Variants in ATXN2 observed in about 807,000 individuals in gnomAD.
ATXN2 encodes the protein ataxin 2.
A neutral mutation model predicts 138.6 loss-of-function variants in ATXN2; 37 were observed. The observed-to-expected ratio is 0.27, with a 90% CI of 0.21 to 0.35. ATXN2 has a LOEUF of 0.35. Among genes scored for constraint, ATXN2 ranks in the 10% least tolerant of loss-of-function variants. The probability of loss-of-function intolerance (pLI) is 1.00; values close to 1 mark genes in which losing one functional copy is unlikely to be tolerated. For synonymous variants in ATXN2, 549 were observed against 543.7 expected (o/e 1.01, Z -0.13); for missense variants, 1,216 against 1,480.3 (o/e 0.82, Z 2.93).
chr12:111,478,261 C>T (rs1876967181), intron 18 of ATXN2, among the ~76,000 whole-genome samples: 1 of 152,066 alleles, frequency 6.6e-6, no homozygotes, highest in Non-Finnish European at 1.5e-5. Flanking sequence ...ACAAAATTAG[C>T]CAGGCATGGT....
intron 1 of ATXN2, among the ~76,000 whole-genome samples, chr12:111,584,259 G>A (rs1884187716): frequency 6.6e-6 from 1 of 150,948 alleles, no homozygotes; most frequent in African/African-American, 2.4e-5. Flanking sequence ...GCGTGCTCCT[G>A]TACTCCCAGC....
chr12:111,491,344 C>T (rs984182258), intron 14 of ATXN2, among the ~76,000 whole-genome samples: 1 of 152,096 alleles, frequency 6.6e-6, no homozygotes, highest in Admixed American at 6.6e-5. Context: ...GCAGTCTAGA[C>T]CAGAAGGACT....
chr12:111,581,661 G>A, intron 1 of ATXN2: 2 of 730,998 alleles, frequency 2.7e-6, no homozygotes, highest in Admixed American at 1.8e-5. Flanking sequence ...GACCTGATCA[G>A]GGCCCAGGCC....
At chr12:111,456,888 CAGG>C (rs1875144674) in intron 22 of ATXN2, among the ~76,000 whole-genome samples, 1 of 152,092 alleles carries the variant, frequency 6.6e-6, no homozygotes, top group African/African-American at 2.4e-5. Context: ...GCTGGGACTA[CAGG>C]CGCCCACCAC....
chr12:111,555,718 G>C (rs1882354421), intron 2 of ATXN2, among the ~76,000 whole-genome samples, 165 bp downstream of exon 2: 1 of 149,428 alleles, frequency 6.7e-6, no homozygotes, highest in Admixed American at 6.6e-5. Flanking sequence ...ATTTTATACA[G>C]AGTCATTAAA....
intron 14 of ATXN2, among the ~76,000 whole-genome samples, chr12:111,495,865 G>A (rs1592832098): frequency 1.3e-5 from 2 of 151,866 alleles, no homozygotes; most frequent in African/African-American, 2.4e-5. Flanking sequence ...AAGATTTGAC[G>A]TGGCACAGTG....
intron 6 of ATXN2, among the ~76,000 whole-genome samples, chr12:111,521,480 C>T (rs1320376694): frequency 6.6e-6 from 1 of 152,202 alleles, no homozygotes; most frequent in South Asian, 2.1e-4. Flanking sequence ...TCATATTCAA[C>T]GATTCCAAGG....
At chr12:111,514,759 A>G (rs1331149634) in intron 10 of ATXN2, among the ~76,000 whole-genome samples, 1 of 152,186 alleles carries the variant, frequency 6.6e-6, no homozygotes, top group East Asian at 1.9e-4. Flanking sequence ...AAGTGCTGAG[A>G]TTACAGGCGT....
At chr12:111,558,899 T>C (rs949376491) in intron 1 of ATXN2, among the ~76,000 whole-genome samples, 1 of 150,760 alleles carries the variant, frequency 6.6e-6, no homozygotes, top group African/African-American at 2.4e-5. Context: ...AGCTGGGTGA[T>C]AGGTGTGCAG....
chr12:111,559,752 G>A (rs368512903), intron 1 of ATXN2, among the ~76,000 whole-genome samples: 5 of 128,376 alleles, frequency 3.9e-5, no homozygotes, highest in East Asian at 4.4e-4. Flanking sequence ...CAGCCTGGGC[G>A]ACAGAGCAAG....
chr12:111,572,214 A>T (rs1883361267), intron 1 of ATXN2, among the ~76,000 whole-genome samples: 1 of 152,062 alleles, frequency 6.6e-6, no homozygotes, highest in Admixed American at 6.6e-5. Context: ...AGCCTGACCA[A>T]AATGGTGAAA....
intron 1 of ATXN2, among the ~76,000 whole-genome samples, chr12:111,578,528 G>A (rs1389414579): frequency 2.0e-5 from 3 of 152,156 alleles, no homozygotes; most frequent in African/African-American, 7.2e-5. Flanking sequence ...GTAATACTCT[G>A]TACGACAGCC....
At chr12:111,485,591 T>G in intron 17 of ATXN2, 122 bp downstream of exon 17, 2 of 1,211,584 alleles carry the variant, frequency 1.7e-6, no homozygotes, top group Non-Finnish European at 2.3e-6. Flanking sequence ...TCTGCATGCC[T>G]GTCTGTTTCA....
At position 111,516,042 on chromosome 12, in the gene ATXN2, C is replaced by A; in HGVS notation, c.1375+112G>T. The A allele has an allele frequency of 9.6e-7, 1 of 1,037,384 alleles. No individual in the cohort carries two copies. Among genetic ancestry groups the A allele is most frequent in the Non-Finnish European group, 1.3e-6 (1 of 746,176 alleles). 64.3% of individuals were successfully genotyped at this position (1,037,384 alleles called of 1,614,324 possible). A position where few individuals can be genotyped will look rare whatever the true frequency, so the allele number is the denominator to read the frequency against. On this transcript the variant is annotated intron_variant, in intron 10 of 24. Coordinates refer to ENST00000673436, the MANE Select transcript of ATXN2 (RefSeq NM_001372574.1). This position sits in a 1 kb window ranked among gnomAD's most constrained non-coding sequence, Gnocchi z 5.0. ...TAGTTTTAATAAACTAAAGTTAAAA[C>A]ACAGAAATTATAGGTTATTAAATAA...
intron 1 of ATXN2, among the ~76,000 whole-genome samples, chr12:111,574,035 C>A (rs1335915016): frequency 2.0e-5 from 3 of 150,976 alleles, no homozygotes; most frequent in African/African-American, 4.9e-5. Context: ...TGGAGACTTC[C>A]GGCCGGGTGC....
At chr12:111,577,779 T>C (rs144897320) in intron 1 of ATXN2, among the ~76,000 whole-genome samples, 187 of 151,790 alleles carry the variant, frequency 1.2e-3, no homozygotes, top group African/African-American at 4.1e-3. Context: ...GAAAAGAGCA[T>C]TGGTCAACAG....
intron 18 of ATXN2, among the ~76,000 whole-genome samples, chr12:111,475,819 T>C (rs568866422): frequency 1.5e-4 from 23 of 152,154 alleles, no homozygotes; most frequent in African/African-American, 5.5e-4. Flanking sequence ...CCTATTAGAT[T>C]AGTGAAGCAG....
intron 20 of ATXN2, among the ~76,000 whole-genome samples, chr12:111,464,963 C>A (rs1295986914): frequency 6.6e-6 from 1 of 152,170 alleles, no homozygotes; most frequent in Non-Finnish European, 1.5e-5. Context: ...GGAATAAAAT[C>A]ATTATCTAAT....
chr12:111,594,663 T>A (rs1450192801), intron 1 of ATXN2, among the ~76,000 whole-genome samples: 1 of 152,186 alleles, frequency 6.6e-6, no homozygotes, highest in Non-Finnish European at 1.5e-5. Context: ...AAATCCATAT[T>A]TTTATTTTTA....
Sources: allele counts gnomAD v4.1 joint callset (sites outside exome capture counted in the v4.1 genomes callset), GRCh38; gene constraint gnomAD v4.1.1; non-coding constraint Gnocchi (gnomAD v3.1); transcripts MANE v1.5; gene names NCBI Gene and HGNC (gene_info 2026-07-23, HGNC 2026-07-21).